Variants in RNF212B observed in about 807,000 individuals in gnomAD.
The protein encoded by RNF212B is ring finger protein 212B.
Under a neutral mutation model 55.5 loss-of-function variants are expected in RNF212B, and 52 were observed. The observed-to-expected ratio is 0.94, with a 90% confidence interval of 0.75 to 1.18. The LOEUF (loss-of-function observed/expected upper bound fraction) is 1.18, where lower values mean the gene tolerates loss of function less well. Among genes scored for constraint, RNF212B ranks in the 50% most tolerant of loss-of-function variants. RNF212B has a pLI of 0.00. For synonymous variants in RNF212B, 99 were observed against 121.4 expected (o/e 0.82, Z 1.21); for missense variants, 289 against 350.4 (o/e 0.82, Z 1.40).
chr14:23,232,697 C>T (rs929296327), intron 2 of RNF212B, among the ~76,000 whole-genome samples: 2 of 143,934 alleles, frequency 1.4e-5, no homozygotes, highest in African/African-American at 5.2e-5. Context: ...GGTGGGGGGT[C>T]AGCCCCCGCC....
intron 2 of RNF212B, among the ~76,000 whole-genome samples, chr14:23,212,348 T>G (rs1236974327): frequency 5.9e-5 from 9 of 152,182 alleles, no homozygotes; most frequent in Admixed American, 3.9e-4. Context: ...TTTTTCTTTT[T>G]TTGAGCTCTA....
chr14:23,263,740 G>A (rs539168307), intron 9 of RNF212B, among the ~76,000 whole-genome samples: 2 of 152,206 alleles, frequency 1.3e-5, no homozygotes, highest in East Asian at 3.9e-4. Flanking sequence ...TTAGTGACAT[G>A]TGCCCCTTCC....
intron 4 of RNF212B, among the ~76,000 whole-genome samples, chr14:23,251,248 ACAATT>A (rs10555690): frequency 0.57 from 86,313 of 151,200 alleles, 25,880 homozygotes; most frequent in African/African-American, 0.78. Flanking sequence ...TAGGTATGCA[ACAATT>A]CAATTCAATT....
At chr14:23,248,782 G>A (rs893458272) in intron 4 of RNF212B, among the ~76,000 whole-genome samples, 2 of 152,130 alleles carry the variant, frequency 1.3e-5, no homozygotes, top group African/African-American at 4.8e-5. Flanking sequence ...ATTCACAAGA[G>A]CAAAGCCTTC....
chr14:23,235,352 T>TA (rs1200677479), upstream of RNF212B, among the ~76,000 whole-genome samples: 1 of 152,190 alleles, frequency 6.6e-6, no homozygotes, highest in Non-Finnish European at 1.5e-5. Context: ...GCCCATCTCT[T>TA]AAAAACAATT....
intron 2 of RNF212B, among the ~76,000 whole-genome samples, chr14:23,229,802 C>T (rs767137709): frequency 6.6e-5 from 10 of 152,186 alleles, no homozygotes; most frequent in Non-Finnish European, 1.2e-4. Flanking sequence ...TTACTGAACC[C>T]AGACTACTAG....
chr14:23,213,199 G>C (rs1444975054), intron 2 of RNF212B, among the ~76,000 whole-genome samples: 2 of 151,932 alleles, frequency 1.3e-5, no homozygotes, highest in African/African-American at 4.8e-5. Flanking sequence ...TGTAGTCCCA[G>C]CTACTCGGGA....
chr14:23,252,149 T>C (rs1172456041), intron 4 of RNF212B, among the ~76,000 whole-genome samples: 1 of 152,158 alleles, frequency 6.6e-6, no homozygotes. Flanking sequence ...TTGGTTCCCC[T>C]GGCAACAAGT....
chr14:23,230,207 C>T (rs894849299), intron 2 of RNF212B: 1 of 152,160 alleles, frequency 6.6e-6, no homozygotes, highest in African/African-American at 2.4e-5. Context: ...ATATTAAAAC[C>T]TTATCAGATA....
intron 1 of RNF212B, among the ~76,000 whole-genome samples, chr14:23,186,431 C>T (rs1877604388): frequency 6.6e-6 from 1 of 151,530 alleles, no homozygotes; most frequent in South Asian, 2.1e-4. Flanking sequence ...CTCACTGCAA[C>T]CTCTGGCTCC....
chr14:23,258,447 A>G, intron 4 of RNF212B, 102 bp from the exon 5 acceptor site: 1 of 461,194 alleles, frequency 2.2e-6, no homozygotes, highest in Non-Finnish European at 3.8e-6. Context: ...GAAGAAAATG[A>G]GCAGTATAAT....
intron 5 of RNF212B, chr14:23,259,632 G>C (rs183314759): frequency 7.0e-6 from 2 of 284,492 alleles, no homozygotes; most frequent in Non-Finnish European, 1.3e-5. Flanking sequence ...TGGGTGGAGA[G>C]AGGAAATGGA....
chr14:23,209,922 G>C (rs1366901934), intron 2 of RNF212B, among the ~76,000 whole-genome samples: 2 of 152,198 alleles, frequency 1.3e-5, no homozygotes, highest in African/African-American at 4.8e-5. Flanking sequence ...GGAGGCCGAG[G>C]TGGGCTGATC....
intron 2 of RNF212B, among the ~76,000 whole-genome samples, chr14:23,215,909 A>G (rs1566403216): frequency 6.6e-6 from 1 of 152,160 alleles, no homozygotes; most frequent in Non-Finnish European, 1.5e-5. Flanking sequence ...ACACCACTAG[A>G]CTGAGTTATT....
At chr14:23,236,388 G>T (rs976053846), upstream of RNF212B, among the ~76,000 whole-genome samples, 47 of 152,022 alleles carry the variant, frequency 3.1e-4, no homozygotes, top group Non-Finnish European at 6.2e-4. Flanking sequence ...AATGGCAGGC[G>T]CCTGTAATCC....
intron 2 of RNF212B, among the ~76,000 whole-genome samples, chr14:23,222,203 AG>A (rs561693839): frequency 6.6e-6 from 1 of 152,184 alleles, no homozygotes; most frequent in East Asian, 1.9e-4. Context: ...ACAGAAAAAA[AG>A]TTCTTTTGAA....
At chr14:23,202,313 G>T (rs991447732) in intron 2 of RNF212B, among the ~76,000 whole-genome samples, 1 of 151,762 alleles carries the variant, frequency 6.6e-6, no homozygotes, top group Non-Finnish European at 1.5e-5. Flanking sequence ...TCTAATACAG[G>T]GGTCCATATA....
chr14:23,190,969 C>G (rs1044260759), intron 1 of RNF212B, among the ~76,000 whole-genome samples: 13 of 152,162 alleles, frequency 8.5e-5, no homozygotes, highest in Admixed American at 8.5e-4. Context: ...TCCTGCAGAC[C>G]GTCTTGGGGG....
chr14:23,212,606 C>A (rs533875440), intron 2 of RNF212B, among the ~76,000 whole-genome samples: 1 of 151,760 alleles, frequency 6.6e-6, no homozygotes, highest in Non-Finnish European at 1.5e-5. Flanking sequence ...GACAGAGTCT[C>A]GCTCTGTCGC....
Sources: allele counts gnomAD v4.1 joint callset (sites outside exome capture counted in the v4.1 genomes callset), GRCh38; gene constraint gnomAD v4.1.1; transcripts MANE v1.5; gene names NCBI Gene and HGNC (gene_info 2026-07-23, HGNC 2026-07-21).